The following TRIO variants were observed in gnomAD, a reference collection of about 807,000 sequenced individuals.
TRIO encodes the protein triple functional domain protein.
In TRIO, 58 loss-of-function variants were observed where a neutral mutation model predicts 351.9. The ratio of observed to expected loss-of-function variants is 0.16; its 90% CI spans 0.13 to 0.21. The LOEUF (loss-of-function observed/expected upper bound fraction) is 0.21. Among genes scored for constraint, TRIO ranks in the 10% least tolerant of loss-of-function variants. The pLI, the probability that TRIO is intolerant of heterozygous loss-of-function variation, is 1.00. For missense variants in TRIO, 3,201 were observed against 4,027.8 expected (o/e 0.79, Z 5.56); for synonymous variants, 1,758 against 1,595.7 (o/e 1.10, Z -2.42).
chr5:14,408,046 C>T (rs1341688679), intron 33 of TRIO, among the ~76,000 whole-genome samples: 2 of 152,230 alleles, frequency 1.3e-5, no homozygotes, highest in East Asian at 3.8e-4. Context: ...ACCCGGGAGT[C>T]TGTTCTCTGC....
intron 1 of TRIO, among the ~76,000 whole-genome samples, chr5:14,166,034 C>T (rs1581258808): frequency 6.6e-6 from 1 of 152,234 alleles, no homozygotes; most frequent in African/African-American, 2.4e-5. Flanking sequence ...TCTTCTTTGA[C>T]CACTTAAGAG....
At chr5:14,377,916 C>T in intron 19 of TRIO, 96 bp from the exon 20 acceptor site, 2 of 890,118 alleles carry the variant, frequency 2.2e-6, no homozygotes, top group Non-Finnish European at 3.6e-6. Context: ...CTTGCAATGG[C>T]ATTTGCATAA....
chr5:14,343,160 G>A (rs78833406), intron 11 of TRIO, among the ~76,000 whole-genome samples: 2,316 of 151,300 alleles, frequency 0.015, 54 homozygotes, highest in African/African-American at 0.054. Flanking sequence ...CTCCCACAGC[G>A]GTAGCATCTT....
At chr5:14,143,984 C>CCCGT (rs1787333274) in intron 1 of TRIO, 102 bp downstream of exon 1, 9 of 882,996 alleles carry the variant, frequency 1.0e-5, no homozygotes, top group Non-Finnish European at 6.9e-6. Flanking sequence ...CTGGTGCCCG[C>CCCGT]CCGTCCGTCC....
chr5:14,236,042 A>G (rs1479888688), intron 1 of TRIO, among the ~76,000 whole-genome samples: 1 of 109,134 alleles, frequency 9.2e-6, no homozygotes, highest in Non-Finnish European at 1.9e-5. Flanking sequence ...TTGGTTAAAT[A>G]GATCACCTAC....
At chr5:14,239,384 A>G (rs1440570523) in intron 1 of TRIO, among the ~76,000 whole-genome samples, 1 of 152,232 alleles carries the variant, frequency 6.6e-6, no homozygotes, top group Non-Finnish European at 1.5e-5. Context: ...TCAAATCTGC[A>G]GTGCCAGCTT....
At chr5:14,184,039 G>C (rs2152141072) in intron 1 of TRIO, 1 of 690,426 alleles carries the variant, frequency 1.4e-6, no homozygotes, top group East Asian at 2.7e-5. Context: ...TTCTCTAGGA[G>C]GACTGTTGAT....
intron 43 of TRIO, 116 bp from the exon 44 acceptor site, chr5:14,481,118 G>C (rs1331081117): frequency 1.9e-6 from 2 of 1,072,904 alleles, no homozygotes; most frequent in African/African-American, 1.6e-5. Context: ...TTGAGGCCAG[G>C]AGTTCAAGAC....
chr5:14,479,166 T>C (rs959018478), intron 41 of TRIO, 95 bp from the exon 42 acceptor site: 1 of 1,014,334 alleles, frequency 9.9e-7, no homozygotes, highest in Admixed American at 1.8e-5. Flanking sequence ...TTAAGATGAG[T>C]GCCTTTATGA....
At chr5:14,406,167 G>A (rs1748698625) in intron 32 of TRIO, 177 bp downstream of exon 32, 1 of 959,560 alleles carries the variant, frequency 1.0e-6, no homozygotes, top group African/African-American at 1.7e-5. Context: ...AGAGATAAGA[G>A]CCTCTATTGG....
At chr5:14,152,336 T>C (rs1388133421) in intron 1 of TRIO, among the ~76,000 whole-genome samples, 1 of 151,672 alleles carries the variant, frequency 6.6e-6, no homozygotes, top group Non-Finnish European at 1.5e-5. Flanking sequence ...CCAGATCGCA[T>C]GGGGGCAGGA....
At chr5:14,353,585 C>T (rs1260472853) in intron 11 of TRIO, among the ~76,000 whole-genome samples, 3 of 152,126 alleles carry the variant, frequency 2.0e-5, no homozygotes, top group African/African-American at 4.8e-5. Context: ...TTGAGGCAGG[C>T]ATTATTACCA....
intron 28 of TRIO, among the ~76,000 whole-genome samples, chr5:14,395,102 C>A (rs1256950410): frequency 6.6e-6 from 1 of 152,134 alleles, no homozygotes; most frequent in Non-Finnish European, 1.5e-5. Flanking sequence ...GATGGAGTTA[C>A]AAATGCTGGA....
intron 34 of TRIO, among the ~76,000 whole-genome samples, chr5:14,440,075 ATTC>A (rs1229341552): frequency 6.6e-6 from 1 of 152,218 alleles, no homozygotes; most frequent in Admixed American, 6.5e-5. Context: ...AAAAGGCAAC[ATTC>A]TTCTTAGCAA....
At chr5:14,263,241 A>G (rs1795464541) in intron 1 of TRIO, among the ~76,000 whole-genome samples, 3 of 152,134 alleles carry the variant, frequency 2.0e-5, no homozygotes, top group Admixed American at 2.0e-4. Context: ...GCTCTAGATT[A>G]CACTTTGTAT....
chr5:14,258,225 C>T (rs1193169494), intron 1 of TRIO, among the ~76,000 whole-genome samples: 2 of 152,242 alleles, frequency 1.3e-5, no homozygotes, highest in East Asian at 1.9e-4. Context: ...CTCTCCACAC[C>T]TCATCCCCAT....
intron 1 of TRIO, among the ~76,000 whole-genome samples, chr5:14,190,410 CTA>C (rs1790384803): frequency 6.6e-6 from 1 of 152,170 alleles, no homozygotes; most frequent in Admixed American, 6.5e-5. Context: ...ATACTGAAAA[CTA>C]TTTTTGGTGA....
chr5:14,508,710 CAT>C lies in TRIO; in HGVS notation c.*289_*290del. ...TAAAAAGATAACTTTTTTAAACAAA[CAT>C]GAATAGAATTTTGCAAATTTAACGT... On this transcript the variant is annotated 3_prime_UTR_variant, in exon 57 of 57. Transcript: ENST00000344204. 1 of 323,104 alleles carries C rather than the reference CAT, an allele frequency of 3.1e-6. No individual in the cohort carries two copies. The highest frequency in any genetic ancestry group is 5.5e-5 in the East Asian group (1 of 18,310). The allele number at this position is 323,104 out of a possible 1,614,324, so 20.0% of individuals were successfully genotyped here. A position where few individuals can be genotyped will look rare whatever the true frequency, so the allele number is the denominator to read the frequency against.
At chr5:14,266,520 G>A (rs165094) in intron 1 of TRIO, among the ~76,000 whole-genome samples, 67,513 of 152,122 alleles carry the variant, frequency 0.44, 17,173 homozygotes, top group East Asian at 0.59. Flanking sequence ...TGATTTGGGG[G>A]TGCAGATTTA....
Sources: allele counts gnomAD v4.1 joint callset (sites outside exome capture counted in the v4.1 genomes callset), GRCh38; gene constraint gnomAD v4.1.1; transcripts MANE v1.5; gene names NCBI Gene and HGNC (gene_info 2026-07-23, HGNC 2026-07-21).